The following PIAS2 variants were observed in gnomAD, a reference collection of about 807,000 sequenced individuals.
The protein encoded by PIAS2 is protein inhibitor of activated STAT 2.
In PIAS2, 19 loss-of-function variants were observed where a neutral mutation model predicts 69.7. The ratio of observed to expected loss-of-function variants is 0.27; its 90% confidence interval spans 0.19 to 0.40. The LOEUF is 0.40. PIAS2 is among the 10% of genes least tolerant of loss of function. The probability of loss-of-function intolerance (pLI) is 1.00; values close to 1 mark genes in which losing one functional copy is unlikely to be tolerated. For synonymous variants in PIAS2, 261 were observed against 263.2 expected, an observed-to-expected ratio of 0.99 and a Z score of 0.08; for missense variants, 624 against 757.0, an observed-to-expected ratio of 0.82 and a Z score of 2.06.
chr18:46,896,074 T>G (rs928840914), intron 1 of PIAS2, among the ~76,000 whole-genome samples: 7 of 132,510 alleles, frequency 5.3e-5, no homozygotes, highest in Non-Finnish European at 9.5e-5. Flanking sequence ...AACAGAGATT[T>G]AAAATAAAGT....
Position 46,890,790 on chromosome 18 carries a change from C to A in PIAS2, c.289G>T (p.Ala97Ser). The change falls in exon 2 of 14, where the codon GCC (alanine) becomes TCC (serine). Residue 97 changes from alanine (A) to serine (S), a missense_variant. Transcript: ENST00000585916. ...GGCAACGAGTGGATTCCAGCCACGG[C>A]CAAGTCAGGTTCTACAGGTGATGAG... ...GGSSPVEPDL[A>S]VAGIHSLPST... 1 of 1,614,142 alleles carries A rather than the reference C, an allele frequency of 6.2e-7. No individual in the cohort carries two copies. Among genetic ancestry groups the A allele is most frequent in the Non-Finnish European group, 8.5e-7 (1 of 1,180,022 alleles).
Position 46,917,433 on chromosome 18 carries a change from GC to G in PIAS2, c.-89del. 7.4e-7 allele frequency: 1 copy of G among 1,359,908 alleles called. No individual in the cohort carries two copies. The highest frequency in any genetic ancestry group is 9.5e-7 in the Non-Finnish European group (1 of 1,055,092). The allele number at this position is 1,359,908 out of a possible 1,614,324, so 84.2% of individuals were successfully genotyped here. On this transcript the variant is annotated 5_prime_UTR_variant, in exon 1 of 14. An upstream open reading frame in the 5' UTR gains an earlier in-frame stop. Coordinates refer to ENST00000585916, the MANE Select transcript of PIAS2 (RefSeq NM_004671.5). The stretch of plus-strand genomic sequence containing the variant: ...CGCTGCCGCCACCACGGCCGCCGCC[GC>G]CTCCAGCACCATCCTGCACTGGGCG...
intron 9 of PIAS2, among the ~76,000 whole-genome samples, chr18:46,835,777 A>T (rs1344836196): frequency 1.3e-5 from 2 of 152,158 alleles, no homozygotes; most frequent in Admixed American, 1.3e-4. Context: ...TCATCTTTTC[A>T]GTAACTGTAT....
intron 1 of PIAS2, chr18:46,904,001 T>C (rs2056250704): frequency 6.6e-6 from 1 of 152,178 alleles, no homozygotes; most frequent in Admixed American, 6.5e-5. Context: ...TGTAATATTT[T>C]TGAAAAGACA....
At chr18:46,872,269 T>C (rs1433434980) in intron 2 of PIAS2, among the ~76,000 whole-genome samples, 1 of 152,180 alleles carries the variant, frequency 6.6e-6, no homozygotes, top group African/African-American at 2.4e-5. Context: ...CAAAATACCA[T>C]ATGACCATCA....
rs1293335419 is a variant in PIAS2 at position 46,810,317 on chromosome 18, G to A, written c.*2116C>T. 6.6e-6 allele frequency: 1 copy of A among 151,966 alleles called. No homozygotes were observed. The highest frequency in any genetic ancestry group is 1.5e-5 in the Non-Finnish European group (1 of 67,982). The allele number at this position is 151,966 out of a possible 1,614,324, so 9.4% of individuals were successfully genotyped here. The stretch of plus-strand genomic sequence containing the variant: ...TAAAACTTTGTTGATTAAATTGGGG[G>A]AGTCTCTGACAATCTAAAGGGTAAC... On this transcript the variant is annotated 3_prime_UTR_variant, in exon 14 of 14. Coordinates refer to ENST00000585916, the MANE Select transcript of PIAS2 (RefSeq NM_004671.5).
At chr18:46,862,682 C>T (rs529708482) in intron 3 of PIAS2, among the ~76,000 whole-genome samples, 1 of 148,124 alleles carries the variant, frequency 6.8e-6, no homozygotes, top group South Asian at 2.2e-4. Context: ...CATATATATA[C>T]ACACACACAT....
At chr18:46,829,009 A>C (rs1205028568) in intron 10 of PIAS2, among the ~76,000 whole-genome samples, 1 of 152,130 alleles carries the variant, frequency 6.6e-6, no homozygotes. Flanking sequence ...CTTTCTTCTT[A>C]CTCCATTCAT....
At chr18:46,826,839 A>G (rs986093028) in intron 11 of PIAS2, 3 of 152,232 alleles carry the variant, frequency 2.0e-5, no homozygotes, top group African/African-American at 7.2e-5. Flanking sequence ...CAAAGAAGGC[A>G]GCTGAAAAGG....
At chr18:46,880,014 G>A (rs1258028233) in intron 2 of PIAS2, among the ~76,000 whole-genome samples, 3 of 151,102 alleles carry the variant, frequency 2.0e-5, no homozygotes, top group Admixed American at 6.6e-5. Context: ...AGATGGCAGC[G>A]ATGGTTCCAA....
chr18:46,841,374 T>G (rs2045364347), intron 8 of PIAS2, among the ~76,000 whole-genome samples: 1 of 152,218 alleles, frequency 6.6e-6, no homozygotes, highest in African/African-American at 2.4e-5. Context: ...ACTTCTTATT[T>G]AAGTGCCTGG....
In PIAS2 at chr18:46,807,928, A is replaced by C. The variant is rs1200769014; in HGVS notation, c.*4505T>G. On this transcript the variant is annotated 3_prime_UTR_variant, in exon 14 of 14. Transcript: ENST00000585916. The stretch of plus-strand genomic sequence containing the variant: ...TGTGGAAAAGTGGTATGAATCAAGA[A>C]CTACAAAAGTGTTCATATACCCTTG... The C allele has an allele frequency of 6.6e-6, 1 of 152,200 alleles. No homozygotes were observed. Among genetic ancestry groups the C allele is most frequent in the African/African-American group, 2.4e-5 (1 of 41,460 alleles). 9.4% of individuals were successfully genotyped at this position (152,200 alleles called of 1,614,324 possible).
At chr18:46,853,849 A>C (rs1053283231) in intron 5 of PIAS2, 3 of 152,302 alleles carry the variant, frequency 2.0e-5, no homozygotes, top group African/African-American at 7.2e-5. Context: ...TGTTGCTAGT[A>C]GCCGGAAACC....
chr18:46,834,840 G>A lies in PIAS2; in HGVS notation c.1202+1517C>T, dbSNP rs538667135. Among the ~76,000 whole-genome samples, 332 of 152,308 alleles carry A rather than the reference G, an allele frequency of 2.2e-3. 1 individual carries two copies. Among genetic ancestry groups the A allele is most frequent in the Non-Finnish European group, 4.3e-3 (290 of 68,028 alleles). The stretch of plus-strand genomic sequence containing the variant: ...CTGCTAAGAGGGCTGAGAAGTGGAC[G>A]ATGTTATGCCTGTTGGCATGAGAGT... On this transcript the variant is annotated intron_variant, in intron 9 of 13. Transcript: ENST00000585916.
intron 10 of PIAS2, among the ~76,000 whole-genome samples, chr18:46,828,456 G>A (rs968211202): frequency 1.3e-5 from 2 of 152,178 alleles, no homozygotes; most frequent in African/African-American, 4.8e-5. Flanking sequence ...CAGGTCAGCA[G>A]TCGTTTTACA....
chr18:46,897,341 C>G (rs1202265298), intron 1 of PIAS2, among the ~76,000 whole-genome samples: 1 of 152,004 alleles, frequency 6.6e-6, no homozygotes, highest in East Asian at 1.9e-4. Context: ...TTTTATCGCA[C>G]CAGAAAACAG....
At chr18:46,815,910 G>A in intron 12 of PIAS2, 1 of 985,366 alleles carries the variant, frequency 1.0e-6, no homozygotes, top group Non-Finnish European at 1.2e-6. Flanking sequence ...AGGGTTACTG[G>A]GTTCTGAGCT....
chr18:46,917,078 A>G lies in PIAS2; in HGVS notation c.24+244T>C, dbSNP rs556728812. 1.1e-3 allele frequency: 1,048 copies of G among 988,388 alleles called. 2 individuals are homozygous for G. The highest frequency in any genetic ancestry group is 1.2e-3 in the Non-Finnish European group (1,017 of 831,834). 61.2% of individuals were successfully genotyped at this position (988,388 alleles called of 1,614,324 possible). A position where few individuals can be genotyped will look rare whatever the true frequency, so the allele number is the denominator to read the frequency against. ...ACCCCCCGCGCCAGGTGTGCGGACC[A>G]CTGGCAGCACTCAGGAGCCGGCTCG... is the stretch of plus-strand genomic sequence containing the variant. On this transcript the variant is annotated intron_variant, in intron 1 of 13. Coordinates refer to ENST00000585916, the MANE Select transcript of PIAS2 (RefSeq NM_004671.5).
At chr18:46,826,887 A>G (rs1416494059) in intron 11 of PIAS2, 1 of 152,238 alleles carries the variant, frequency 6.6e-6, no homozygotes, top group Non-Finnish European at 1.5e-5. Flanking sequence ...CAATGTTGCA[A>G]AACAAGACAT....
Sources: gnomAD v4.1 joint callset for allele counts (sites outside exome capture counted in the v4.1 genomes callset) on GRCh38, gnomAD v4.1.1 for gene constraint, MANE v1.5 for transcripts, NCBI Gene and HGNC (gene_info 2026-07-23, HGNC 2026-07-21) for gene names.